Variants in FMN1 observed in about 807,000 individuals in gnomAD.
The protein encoded by FMN1 is formin 1.
FMN1 carries 110 observed loss-of-function variants against 132.4 expected under a neutral mutation model. That is an observed-to-expected ratio of 0.83 (90% CI 0.71 to 0.97). The LOEUF is 0.97. Ranked by LOEUF, FMN1 falls within the 50% of genes least tolerant of loss-of-function variation. The probability of loss-of-function intolerance (pLI) is 0.00; values close to 1 mark genes in which losing one functional copy is unlikely to be tolerated. For synonymous variants in FMN1, 722 were observed against 651.7 expected (o/e 1.11, Z -1.64); for missense variants, 1,792 against 1,705.3 (o/e 1.05, Z -0.90).
intron 7 of FMN1, among the ~76,000 whole-genome samples, chr15:32,980,307 GA>G (rs58235101): frequency 0.17 from 22,369 of 134,416 alleles, 2,361 homozygotes; most frequent in African/African-American, 0.32. Context: ...AGGTCAGTTT[GA>G]AAAAAAAAAA....
intron 9 of FMN1, among the ~76,000 whole-genome samples, chr15:32,957,215 G>A (rs895456734): frequency 7.3e-5 from 11 of 151,586 alleles, no homozygotes; most frequent in African/African-American, 2.7e-4. Flanking sequence ...CTCAAAAAAG[G>A]AGGAATATTG....
intron 10 of FMN1, among the ~76,000 whole-genome samples, chr15:32,923,415 C>T (rs1441515005): frequency 6.6e-6 from 1 of 152,200 alleles, no homozygotes; most frequent in East Asian, 1.9e-4. Context: ...CAAAGGAAAA[C>T]TAACCTCCAG....
chr15:33,120,999 T>G (rs1423025473), intron 4 of FMN1, among the ~76,000 whole-genome samples: 2 of 152,136 alleles, frequency 1.3e-5, no homozygotes, highest in African/African-American at 4.8e-5. Context: ...GATAGAGGTT[T>G]TAGTCTTAAT....
intron 4 of FMN1, among the ~76,000 whole-genome samples, chr15:33,146,260 A>G (rs1158871513): frequency 6.6e-6 from 1 of 152,124 alleles, no homozygotes; most frequent in Non-Finnish European, 1.5e-5. Flanking sequence ...TGGGCTTCTG[A>G]TGATAAAGTT....
chr15:32,792,463 C>CAAAAAAAAAAAAAAA (rs200895956), intron 19 of FMN1, among the ~76,000 whole-genome samples: 1 of 113,436 alleles, frequency 8.8e-6, no homozygotes. Flanking sequence ...ATAAAACAAA[C>CAAAAAAAAAAAAAAA]AAACAAAAAA....
chr15:32,857,441 A>T (rs1404632472), intron 16 of FMN1, among the ~76,000 whole-genome samples: 1 of 152,150 alleles, frequency 6.6e-6, no homozygotes, highest in African/African-American at 2.4e-5. Context: ...GGCAAAAACT[A>T]CTTGAGGATT....
intron 9 of FMN1, among the ~76,000 whole-genome samples, chr15:32,957,113 G>C (rs2061787225): frequency 6.6e-6 from 1 of 152,106 alleles, no homozygotes; most frequent in Non-Finnish European, 1.5e-5. Flanking sequence ...GACAGAGACA[G>C]AGAGGGAGAC....
At chr15:32,806,415 T>C (rs982613621) in intron 17 of FMN1, among the ~76,000 whole-genome samples, 2 of 152,244 alleles carry the variant, frequency 1.3e-5, no homozygotes, top group African/African-American at 4.8e-5. Context: ...AGATAATACA[T>C]GCAGAGTGCT....
intron 16 of FMN1, among the ~76,000 whole-genome samples, chr15:32,858,830 T>C (rs1284843749): frequency 3.3e-5 from 5 of 152,250 alleles, no homozygotes; most frequent in Non-Finnish European, 7.3e-5. Context: ...ATAACTACTT[T>C]ATAGCTTCTC....
chr15:32,866,891 T>C (rs958579006), intron 16 of FMN1, among the ~76,000 whole-genome samples: 4 of 152,246 alleles, frequency 2.6e-5, no homozygotes, highest in African/African-American at 9.6e-5. Context: ...CTCCTACTTC[T>C]GCCTGCCCTG....
chr15:33,140,757 G>A (rs1963976802), intron 4 of FMN1, among the ~76,000 whole-genome samples: 2 of 152,178 alleles, frequency 1.3e-5, no homozygotes, highest in African/African-American at 2.4e-5. Context: ...GAAGTTTATC[G>A]TGGAAACAGC....
At chr15:32,783,725 A>C (rs11630340) in intron 19 of FMN1, among the ~76,000 whole-genome samples, 27,015 of 113,998 alleles carry the variant, frequency 0.24, 4,227 homozygotes, top group Middle Eastern at 0.32. Context: ...AGCCTGGGCG[A>C]CAGAGCGAGA....
At chr15:33,177,958 A>G (rs1206136920) in intron 3 of FMN1, among the ~76,000 whole-genome samples, 1 of 152,190 alleles carries the variant, frequency 6.6e-6, no homozygotes, top group Non-Finnish European at 1.5e-5. Flanking sequence ...CAGTGAGCCG[A>G]GATTTTGCCA....
intron 17 of FMN1, among the ~76,000 whole-genome samples, chr15:32,821,105 T>C (rs1372880687): frequency 1.3e-5 from 2 of 151,374 alleles, no homozygotes; most frequent in Non-Finnish European, 2.9e-5. Flanking sequence ...GTCACAGATT[T>C]TCTAAGATAC....
rs558841119 is a variant in FMN1, at chr15:33,166,312, C to A, written c.-131-11267G>T. On this transcript the variant is annotated intron_variant, in intron 3 of 20. Transcript: ENST00000616417. ...ACTACCCTAGTACCACTGGCACTCACTTTTTCTTTTTCTTTTTTTTTTTTT... is the reference window on the plus strand; with the variant it reads ...ACTACCCTAGTACCACTGGCACTCAATTTTTCTTTTTCTTTTTTTTTTTTT... 2.8e-3 allele frequency among the ~76,000 whole-genome samples: 379 copies of A among 133,398 alleles called. 3 individuals carry two copies. The highest frequency in any genetic ancestry group is 0.014 in the African/African-American group (366 of 26,942). 87.5% of individuals were successfully genotyped at this position (133,398 alleles called of 152,430 possible).
intron 4 of FMN1, among the ~76,000 whole-genome samples, chr15:33,110,316 G>C (rs1595492385): frequency 6.6e-6 from 1 of 151,960 alleles, no homozygotes. Flanking sequence ...TTTATGAAAA[G>C]TTAAAAAACA....
rs1158992726 is a variant in FMN1 at position 32,798,907 on chromosome 15, C to T, written c.4027G>A (p.Glu1343Lys). The T allele has an allele frequency of 3.7e-6, 6 of 1,613,762 alleles. No individual in the cohort carries two copies. The South Asian group carries it at 6.6e-5, about 18-fold the overall frequency. ...ACGTAGCTGGGTGTGATCTCCTTCT[C>T]ACCAGACTTTGGCTTCATCCCAAAA... is the stretch of plus-strand genomic sequence containing the variant. Reference protein sequence around the residue: ...RYFGMKPKSGEKEITPSYVFM... With the variant: ...RYFGMKPKSGKKEITPSYVFM... Residue 1343 changes from glutamate to lysine, a missense_variant, in exon 19 of 21, where the codon GAG becomes AAG. By Grantham distance (56) the Glu-to-Lys change is moderately conservative. Transcript: ENST00000616417.
chr15:33,109,639 T>C (rs1434187572), intron 4 of FMN1, among the ~76,000 whole-genome samples: 1 of 151,912 alleles, frequency 6.6e-6, no homozygotes, highest in Non-Finnish European at 1.5e-5. Context: ...AGCTACATGG[T>C]AAGAACTTAT....
At position 33,154,065 on chromosome 15, in the gene FMN1, G is replaced by C; in HGVS notation, c.850C>G (p.Pro284Ala). ...TGCTGATGCTCCAGCCCGCTCGGCG[G>C]CCTCCGAATGCCATCCCCTCCTGCC... ...TEAGGDGIRR[P>A]PSGLEHQQTG... The change falls in exon 4 of 21, where the codon CCG becomes GCG. Residue 284 changes from proline (P) to alanine (A), a missense_variant. Physicochemically the swap from Pro to Ala is conservative, Grantham distance 27 (BLOSUM62 -1). Coordinates refer to ENST00000616417, the MANE Select transcript of FMN1 (RefSeq NM_001277313.2). 1 of 1,536,014 alleles carries C rather than the reference G, an allele frequency of 6.5e-7. No individual in the cohort carries two copies. Among genetic ancestry groups the C allele is most frequent in the Non-Finnish European group, 8.7e-7 (1 of 1,146,804 alleles).
Sources: gnomAD v4.1 joint callset for allele counts (sites outside exome capture counted in the v4.1 genomes callset) on GRCh38, gnomAD v4.1.1 for gene constraint, MANE v1.5 for transcripts, NCBI Gene and HGNC (gene_info 2026-07-23, HGNC 2026-07-21) for gene names.